The following LRRTM4 variants were observed in gnomAD, a reference collection of about 807,000 sequenced individuals.
The protein encoded by LRRTM4 is leucine rich repeat transmembrane neuronal 4.
In LRRTM4, 25 loss-of-function variants were observed where a neutral mutation model predicts 47.6. The ratio of observed to expected loss-of-function variants is 0.53; its 90% CI spans 0.38 to 0.73. LRRTM4 has a LOEUF of 0.73. Ranked by LOEUF, LRRTM4 falls within the 30% of genes least tolerant of loss-of-function variation. The pLI is 0.00. For synonymous variants in LRRTM4, 311 were observed against 269.5 expected (o/e 1.15, Z -1.51); for missense variants, 638 against 713.4 (o/e 0.89, Z 1.20).
At chr2:76,789,616 T>C (rs924857103) in intron 3 of LRRTM4, among the ~76,000 whole-genome samples, 9 of 152,190 alleles carry the variant, frequency 5.9e-5, no homozygotes, top group African/African-American at 2.2e-4. Flanking sequence ...AACATATTTC[T>C]TCTGGTCAAA....
At chr2:76,986,193 T>G (rs559201784) in intron 3 of LRRTM4, among the ~76,000 whole-genome samples, 1 of 150,292 alleles carries the variant, frequency 6.7e-6, no homozygotes, top group East Asian at 1.9e-4. Context: ...GAATTTTCAT[T>G]GTTTGACTTG....
Position 76,917,980 on chromosome 2 carries a change from A to T in LRRTM4, c.1552-169064T>A, listed in dbSNP as rs1041224847. On this transcript the variant is annotated intron_variant, in intron 3 of 3. Coordinates refer to ENST00000409884, the MANE Select transcript of LRRTM4 (RefSeq NM_001134745.3). Reference sequence around the variant, plus strand: ...ATCTTCTATCTGGAACTTTTCCTGCAATCTTGACTATAACAGGCAAAAATA... The same window carrying T: ...ATCTTCTATCTGGAACTTTTCCTGCTATCTTGACTATAACAGGCAAAAATA... Among the ~76,000 whole-genome samples, 8 of 152,286 alleles carry T rather than the reference A, an allele frequency of 5.3e-5. No individual in the cohort carries two copies. In the East Asian group the frequency reaches 1.4e-3, roughly 26 times the overall value.
chr2:77,341,445 C>T (rs1375828336), intron 3 of LRRTM4, among the ~76,000 whole-genome samples: 4 of 151,952 alleles, frequency 2.6e-5, no homozygotes, highest in African/African-American at 9.7e-5. Flanking sequence ...TTCATGTAAG[C>T]CTTTCCTTAC....
At chr2:77,422,684 G>A (rs1218488061) in intron 3 of LRRTM4, among the ~76,000 whole-genome samples, 1 of 152,068 alleles carries the variant, frequency 6.6e-6, no homozygotes, top group Non-Finnish European at 1.5e-5. Flanking sequence ...ATGATATAGA[G>A]TTTATTTAGT....
chr2:77,377,148 G>T (rs1054785926), intron 3 of LRRTM4, among the ~76,000 whole-genome samples: 3 of 151,696 alleles, frequency 2.0e-5, no homozygotes, highest in East Asian at 3.9e-4. Flanking sequence ...CCATGGTTTT[G>T]TGTTTTAAAC....
At chr2:77,486,087 A>G (rs1052986765) in intron 3 of LRRTM4, among the ~76,000 whole-genome samples, 6 of 152,152 alleles carry the variant, frequency 3.9e-5, no homozygotes, top group South Asian at 2.1e-4. Flanking sequence ...CACACTTAAT[A>G]AATATTCAGT....
chr2:77,361,374 C>T (rs1315046026), intron 3 of LRRTM4, among the ~76,000 whole-genome samples: 1 of 152,130 alleles, frequency 6.6e-6, no homozygotes, highest in African/African-American at 2.4e-5. Context: ...AAACTCTACC[C>T]CTTTTTAAAA....
chr2:76,902,422 C>T (rs10177731), intron 3 of LRRTM4, among the ~76,000 whole-genome samples: 53,111 of 151,956 alleles, frequency 0.35, 9,982 homozygotes, highest in East Asian at 0.68. Flanking sequence ...ATGACCTTCA[C>T]TTATACTTTA....
At chr2:76,757,801 G>GTGAT (rs1382552337) in intron 3 of LRRTM4, among the ~76,000 whole-genome samples, 1 of 152,172 alleles carries the variant, frequency 6.6e-6, no homozygotes, top group African/African-American at 2.4e-5. Flanking sequence ...ACGGAAAACA[G>GTGAT]TGATTATTAC....
At chr2:77,364,664 T>C (rs1437285319) in intron 3 of LRRTM4, among the ~76,000 whole-genome samples, 1 of 152,068 alleles carries the variant, frequency 6.6e-6, no homozygotes, top group Non-Finnish European at 1.5e-5. Flanking sequence ...GTCAATAGTC[T>C]GTAATGCAGC....
intron 3 of LRRTM4, among the ~76,000 whole-genome samples, chr2:77,046,360 T>C (rs1427911835): frequency 2.0e-5 from 3 of 151,974 alleles, no homozygotes; most frequent in Non-Finnish European, 2.9e-5. Context: ...AAGTGCAAAA[T>C]GTGCAATAGG....
At chr2:76,902,244 C>T (rs545787482) in intron 3 of LRRTM4, among the ~76,000 whole-genome samples, 13 of 152,258 alleles carry the variant, frequency 8.5e-5, no homozygotes, top group Non-Finnish European at 1.6e-4. Context: ...TCTGGCTACA[C>T]CCAGATATTC....
intron 3 of LRRTM4, among the ~76,000 whole-genome samples, chr2:76,947,660 T>C (rs1273409011): frequency 6.6e-6 from 1 of 151,794 alleles, no homozygotes; most frequent in African/African-American, 2.4e-5. Flanking sequence ...TGCATACAAG[T>C]ATGATCACAC....
Position 77,207,372 on chromosome 2 carries a change from T to TATATATATATACACACACAC in LRRTM4, c.1551+310945_1551+310946insGTGTGTGTGTATATATATAT, listed in dbSNP as rs59335400. Among the ~76,000 whole-genome samples, 147 of 131,040 alleles carry TATATATATATACACACACAC rather than the reference T, an allele frequency of 1.1e-3. 1 individual carries two copies. In the East Asian group the frequency reaches 0.012, roughly 11 times the overall value. 86.0% of individuals were successfully genotyped at this position (131,040 alleles called of 152,430 possible). On this transcript the variant is annotated intron_variant, in intron 3 of 3. Transcript: ENST00000409884. The stretch of plus-strand genomic sequence containing the variant: ...GTGTATATATATATATATATATATA[T>TATATATATATACACACACAC]ACACACACACATATTTATATACACA...
chr2:77,118,598 A>C (rs1671449591), intron 3 of LRRTM4, among the ~76,000 whole-genome samples: 1 of 151,918 alleles, frequency 6.6e-6, no homozygotes, highest in Non-Finnish European at 1.5e-5. Flanking sequence ...TGAATCTACT[A>C]AAATTGAGTC....
chr2:77,392,585 T>C (rs1274168278), intron 3 of LRRTM4, among the ~76,000 whole-genome samples: 1 of 152,042 alleles, frequency 6.6e-6, no homozygotes, highest in Non-Finnish European at 1.5e-5. Context: ...TAGATGAACC[T>C]GAATGACATT....
intron 3 of LRRTM4, among the ~76,000 whole-genome samples, chr2:77,503,151 T>C (rs1421250103): frequency 2.0e-5 from 3 of 151,462 alleles, no homozygotes; most frequent in East Asian, 3.9e-4. Flanking sequence ...ACTTTTGTTT[T>C]GGAAGCTGCA....
chr2:77,501,291 C>T (rs1424331148), intron 3 of LRRTM4, among the ~76,000 whole-genome samples: 1 of 150,386 alleles, frequency 6.6e-6, no homozygotes, highest in Non-Finnish European at 1.5e-5. Context: ...TTAATAGAAA[C>T]ACAGGTGTTT....
At chr2:77,315,693 TTC>T (rs1677598597) in intron 3 of LRRTM4, among the ~76,000 whole-genome samples, 1 of 152,162 alleles carries the variant, frequency 6.6e-6, no homozygotes, top group South Asian at 2.1e-4. Context: ...TAATTGTACA[TTC>T]TCTCTCTGCC....
Sources: allele counts gnomAD v4.1 joint callset (sites outside exome capture counted in the v4.1 genomes callset), GRCh38; gene constraint gnomAD v4.1.1; transcripts MANE v1.5; gene names NCBI Gene and HGNC (gene_info 2026-07-23, HGNC 2026-07-21).